Variants in OTUD7B observed in about 807,000 individuals in gnomAD.
The protein encoded by OTUD7B is OTU deubiquitinase 7B.
A neutral mutation model predicts 82.2 loss-of-function variants in OTUD7B; 34 were observed. The observed-to-expected ratio is 0.41, with a 90% CI of 0.31 to 0.55. The LOEUF (loss-of-function observed/expected upper bound fraction) is 0.55. OTUD7B is among the 20% of genes least tolerant of loss of function. The pLI is 0.20. For synonymous variants in OTUD7B, 398 were observed against 402.7 expected (o/e 0.99, Z 0.14); for missense variants, 944 against 1,062.1 (o/e 0.89, Z 1.55).
intron 1 of OTUD7B, among the ~76,000 whole-genome samples, chr1:149,992,026 G>A (rs1553782214): frequency 1.3e-5 from 2 of 152,076 alleles, no homozygotes; most frequent in East Asian, 1.9e-4. Context: ...TCAAGAGATC[G>A]AGACCATCCT....
At chr1:150,045,501 T>G in the OTUD7B span, among the ~76,000 whole-genome samples, 1 of 152,180 alleles carries the variant, frequency 6.6e-6, no homozygotes, top group Non-Finnish European at 1.5e-5. Flanking sequence ...TCAGAAATAT[T>G]ATTCAACAGA....
At chr1:149,956,890 C>T (rs181375760) in intron 7 of OTUD7B, among the ~76,000 whole-genome samples, 33 of 152,302 alleles carry the variant, frequency 2.2e-4, no homozygotes, top group African/African-American at 6.3e-4. Context: ...TCCATCAGGT[C>T]GTTTAAGGTC....
the OTUD7B span, among the ~76,000 whole-genome samples, chr1:150,020,902 G>A: frequency 1.3e-5 from 2 of 152,180 alleles, no homozygotes; most frequent in Admixed American, 1.3e-4. Context: ...CAAACAGGGT[G>A]TGGATCTTTG....
intron 5 of OTUD7B, 63 bp from the exon 6 acceptor site, chr1:149,964,412 A>G (rs782225526): frequency 1.8e-5 from 28 of 1,551,558 alleles, no homozygotes; most frequent in Non-Finnish European, 2.5e-5. Flanking sequence ...TTGTATTTTT[A>G]GTAGAGATGG....
chr1:149,976,608 T>A (rs2101856063), intron 2 of OTUD7B, among the ~76,000 whole-genome samples: 1 of 276 alleles, frequency 3.6e-3, no homozygotes, highest in Non-Finnish European at 9.4e-3. Flanking sequence ...CAAAACTCCG[T>A]CTACAAAAAA....
chr1:149,957,992 G>A (rs987649387), intron 7 of OTUD7B, among the ~76,000 whole-genome samples: 3 of 152,186 alleles, frequency 2.0e-5, no homozygotes, highest in Admixed American at 2.0e-4. Context: ...CCCAGGTGAG[G>A]CAATGCCCCG....
At chr1:149,989,776 A>G (rs1235272029) in intron 1 of OTUD7B, among the ~76,000 whole-genome samples, 15 of 67,504 alleles carry the variant, frequency 2.2e-4, no homozygotes, top group African/African-American at 2.7e-4. Flanking sequence ...GGGCGGGGGG[A>G]GGGAGGGAAA....
At chr1:150,011,800 T>C (rs1419777939), upstream of OTUD7B, among the ~76,000 whole-genome samples, 1 of 152,246 alleles carries the variant, frequency 6.6e-6, no homozygotes, top group Non-Finnish European at 1.5e-5. Context: ...TTGTGCCCAT[T>C]ATGCCTATGT....
the OTUD7B span, chr1:150,066,948 A>G: frequency 1.3e-5 from 2 of 152,158 alleles, no homozygotes; most frequent in African/African-American, 4.8e-5. The surrounding 1 kb of genome is among the most constrained non-coding windows in gnomAD (Gnocchi z 4.6). Flanking sequence ...ATTTCAAAGG[A>G]CCCAGTCACC....
chr1:150,025,505 A>T, the OTUD7B span, among the ~76,000 whole-genome samples: 1 of 152,076 alleles, frequency 6.6e-6, no homozygotes, highest in African/African-American at 2.4e-5. Context: ...ACCCAGGGCT[A>T]AAATGTTTCC....
At chr1:149,981,075 G>GGGAGGA (rs782486743) in intron 1 of OTUD7B, among the ~76,000 whole-genome samples, 2 of 149,780 alleles carry the variant, frequency 1.3e-5, no homozygotes, top group Non-Finnish European at 3.0e-5. Context: ...CTCTGTCTCA[G>GGGAGGA]GGAGGAGGAG....
At chr1:150,051,504 G>A in the OTUD7B span, among the ~76,000 whole-genome samples, 1 of 151,482 alleles carries the variant, frequency 6.6e-6, no homozygotes, top group Non-Finnish European at 1.5e-5. Flanking sequence ...TTATTATTAT[G>A]TCTAGTTTCT....
upstream of OTUD7B, among the ~76,000 whole-genome samples, chr1:150,011,372 G>A (rs970439767): frequency 2.0e-5 from 3 of 152,194 alleles, no homozygotes; most frequent in Admixed American, 6.5e-5. Context: ...ATTCAAATAT[G>A]TATTGTATCC....
rs1263087439 is a variant in OTUD7B, at chr1:149,940,162, T to C, written c.*3695A>G. 2 of 151,846 alleles carry C rather than the reference T, an allele frequency of 1.3e-5. No homozygotes were observed. Among genetic ancestry groups the C allele is most frequent in the African/African-American group, 2.4e-5 (1 of 41,302 alleles). 9.4% of individuals were successfully genotyped at this position (151,846 alleles called of 1,614,324 possible). A position where few individuals can be genotyped will look rare whatever the true frequency, so the allele number is the denominator to read the frequency against. ...TGGGCTCAGTATCACCCCGCAGATA[T>C]ACAACACGAAGTCACTGCTAATTCT... On this transcript the variant is annotated 3_prime_UTR_variant, in exon 12 of 12. Coordinates refer to ENST00000581312, the MANE Select transcript of OTUD7B (RefSeq NM_020205.4).
At chr1:150,000,541 A>C (rs587618079) in intron 1 of OTUD7B, among the ~76,000 whole-genome samples, 4 of 152,236 alleles carry the variant, frequency 2.6e-5, no homozygotes, top group African/African-American at 9.6e-5. Flanking sequence ...TGGAGAAAAC[A>C]GGTTTAAAAT....
rs1320757307 is a variant in OTUD7B at position 149,992,467 on chromosome 1, G to T, written c.-66-14891C>A. 1.1e-3 allele frequency among the ~76,000 whole-genome samples: 68 copies of T among 61,520 alleles called. 1 individual carries two copies. The highest frequency in any genetic ancestry group is 3.9e-3 in the South Asian group (5 of 1,284). The allele number at this position is 61,520 out of a possible 152,430, so 40.4% of individuals were successfully genotyped here. A position where few individuals can be genotyped will look rare whatever the true frequency, so the allele number is the denominator to read the frequency against. On this transcript the variant is annotated intron_variant, in intron 1 of 11. Coordinates refer to ENST00000581312, the MANE Select transcript of OTUD7B (RefSeq NM_020205.4). ...TATCTAAATTGTTTTGTGTGCATGTGTTTTTTTTTTTTTTTTTTTTTTTTT... is the reference window on the plus strand; with the variant it reads ...TATCTAAATTGTTTTGTGTGCATGTTTTTTTTTTTTTTTTTTTTTTTTTTT...
intron 1 of OTUD7B, among the ~76,000 whole-genome samples, chr1:149,979,822 G>T (rs1650590718): frequency 6.6e-6 from 1 of 152,054 alleles, no homozygotes; most frequent in African/African-American, 2.4e-5. Context: ...ACCCATTTTA[G>T]CCACAGCCTT....
intron 7 of OTUD7B, among the ~76,000 whole-genome samples, chr1:149,957,003 G>A (rs1376305492): frequency 6.6e-6 from 1 of 151,974 alleles, no homozygotes; most frequent in Non-Finnish European, 1.5e-5. Context: ...CTCAGAGTTT[G>A]TTATTACCGA....
At chr1:149,986,292 C>T (rs1651135926) in intron 1 of OTUD7B, among the ~76,000 whole-genome samples, 1 of 151,476 alleles carries the variant, frequency 6.6e-6, no homozygotes, top group Non-Finnish European at 1.5e-5. Context: ...GATAGTCTAT[C>T]AGTGTTGTAC....
Sources: allele counts gnomAD v4.1 joint callset (sites outside exome capture counted in the v4.1 genomes callset), GRCh38; gene constraint gnomAD v4.1.1; non-coding constraint Gnocchi (gnomAD v3.1); transcripts MANE v1.5; gene names NCBI Gene and HGNC (gene_info 2026-07-23, HGNC 2026-07-21).